CNOT2: variants seen among roughly 807,000 people sequenced by gnomAD.
CNOT2 encodes CC chemokine receptor 4-negative regulator of transcription 2.
In CNOT2, 7 loss-of-function variants were observed where a neutral mutation model predicts 72.1. The observed-to-expected ratio is 0.10, with a 90% CI of 0.06 to 0.18. The LOEUF (loss-of-function observed/expected upper bound fraction) is 0.18, where lower values mean the gene tolerates loss of function less well. CNOT2 is among the 10% of genes least tolerant of loss of function. CNOT2 has a pLI of 1.00. For synonymous variants in CNOT2, 196 were observed against 225.6 expected, an observed-to-expected ratio of 0.87 and a Z score of 1.17; for missense variants, 345 against 660.3, an observed-to-expected ratio of 0.52 and a Z score of 5.23.
At chr12:70,260,893 T>C (rs1315512148) in intron 1 of CNOT2, among the ~76,000 whole-genome samples, 1 of 151,966 alleles carries the variant, frequency 6.6e-6, no homozygotes, top group African/African-American at 2.4e-5. Context: ...CTAGAATCTT[T>C]AGTACAGTAT....
In CNOT2 at chr12:70,297,279, C is replaced by T. The variant is rs531558290; in HGVS notation, c.49-13616C>T. Among the ~76,000 whole-genome samples the T allele has an allele frequency of 7.9e-5, 12 of 152,278 alleles. No individual in the cohort carries two copies. The South Asian group carries it at 2.3e-3, about 29-fold the overall frequency. Reference sequence around the variant, plus strand: ...AGTGCCTGAGAAACACTTTTTCCCCCTTCTCAGGTACTGTATATCTTGCAG... The same window carrying T: ...AGTGCCTGAGAAACACTTTTTCCCCTTTCTCAGGTACTGTATATCTTGCAG... On this transcript the variant is annotated intron_variant, in intron 2 of 15. Transcript: ENST00000229195.
At chr12:70,334,665 A>G (rs573045762) in intron 7 of CNOT2, 2 of 152,260 alleles carry the variant, frequency 1.3e-5, no homozygotes, top group South Asian at 4.1e-4. Context: ...ATTAAAATAG[A>G]CAAAGTAGAG....
chr12:70,343,830 T>A (rs1337766552), intron 13 of CNOT2: 1 of 239,148 alleles, frequency 4.2e-6, no homozygotes, highest in Non-Finnish European at 8.0e-6. Flanking sequence ...CTTTTCCCCA[T>A]TGGGTATTAA....
At chr12:70,277,382 T>C (rs1869019030) in intron 1 of CNOT2, among the ~76,000 whole-genome samples, 1 of 152,076 alleles carries the variant, frequency 6.6e-6, no homozygotes, top group Non-Finnish European at 1.5e-5. Context: ...TATTTTTTGG[T>C]GGGAGGTGGT....
rs1360083723 is a variant in CNOT2, at chr12:70,335,502, G to A, written c.714G>A (p.Arg238=). 1.2e-6 allele frequency: 2 copies of A among 1,606,788 alleles called. No homozygotes were observed. Among genetic ancestry groups the A allele is most frequent in the Non-Finnish European group, 1.7e-6 (2 of 1,173,650 alleles). The part of the protein sequence containing the change: ...SDFPALADRN[R]REGSGNPTPL... ...TCCCAGCATTAGCAGACCGAAACAG[G>A]AGGGAAGGAAGTGGTAACCCAACTC... Residue 238 remains arginine, a synonymous_variant, in exon 8 of 16, where the codon AGG becomes AGA. Transcript: ENST00000229195.
chr12:70,319,483 G>A (rs1877924163), intron 4 of CNOT2, 119 bp downstream of exon 4: 4 of 945,920 alleles, frequency 4.2e-6, no homozygotes, highest in Non-Finnish European at 6.4e-6. Context: ...AAGGAAAAAT[G>A]TTTAATTTTC....
At chr12:70,319,117 G>A (rs777490682) in intron 3 of CNOT2, 181 bp from the exon 4 acceptor site, 8 of 440,028 alleles carry the variant, frequency 1.8e-5, no homozygotes, top group Non-Finnish European at 3.1e-5. Flanking sequence ...TGGTTTTATC[G>A]AATTGTGATA....
chr12:70,281,691 T>A (rs1286050901), intron 2 of CNOT2, among the ~76,000 whole-genome samples: 1 of 152,218 alleles, frequency 6.6e-6, no homozygotes, highest in East Asian at 1.9e-4. Flanking sequence ...TTCCCTTTCT[T>A]TCATAGCCTT....
At chr12:70,259,450 T>C (rs1345183323) in intron 1 of CNOT2, among the ~76,000 whole-genome samples, 1 of 152,156 alleles carries the variant, frequency 6.6e-6, no homozygotes, top group Non-Finnish European at 1.5e-5. Context: ...TATACACCCG[T>C]TTAACCATCA....
At chr12:70,268,433 A>C (rs1287126018) in intron 1 of CNOT2, among the ~76,000 whole-genome samples, 3 of 152,118 alleles carry the variant, frequency 2.0e-5, no homozygotes, top group Admixed American at 6.6e-5. Flanking sequence ...TCAAAGGATC[A>C]GAAGAAAGTA....
chr12:70,335,096 A>G (rs1215877308), intron 7 of CNOT2: 2 of 170,230 alleles, frequency 1.2e-5, no homozygotes, highest in African/African-American at 2.4e-5. Context: ...TGAAAAGACA[A>G]GTTATATCGT....
In CNOT2 at chr12:70,314,076, G is replaced by A. The variant is rs114984195; in HGVS notation, c.171+3059G>A. On this transcript the variant is annotated intron_variant, in intron 3 of 15. Transcript: ENST00000229195. ...TTAATATCAATATAGATGGTTTTTC[G>A]GAAGGATATTTCTCCCTTTAATCTT... Among the ~76,000 whole-genome samples the A allele has an allele frequency of 6.4e-3, 980 of 152,108 alleles. 11 individuals carry two copies. Among genetic ancestry groups the A allele is most frequent in the African/African-American group, 0.022 (902 of 41,534 alleles).
Position 70,354,901 on chromosome 12 carries a change from C to G in CNOT2, c.*986C>G, listed in dbSNP as rs1241030650. ...TTCACTCTGGCTGTTTGAACAGCAG[C>G]GTTTCATAGGAAGAGAAAAAAAGAT... On this transcript the variant is annotated 3_prime_UTR_variant, in exon 16 of 16. Transcript: ENST00000229195. 3.3e-5 allele frequency: 5 copies of G among 152,536 alleles called. No individual in the cohort carries two copies. 9.4% of individuals were successfully genotyped at this position (152,536 alleles called of 1,614,324 possible). A position where few individuals can be genotyped will look rare whatever the true frequency, so the allele number is the denominator to read the frequency against.
intron 2 of CNOT2, among the ~76,000 whole-genome samples, chr12:70,307,108 G>A (rs1475735292): frequency 6.6e-6 from 1 of 152,192 alleles, no homozygotes; most frequent in African/African-American, 2.4e-5. Flanking sequence ...AGTAAGTGGT[G>A]TGTGAATGTA....
intron 14 of CNOT2, 181 bp from the exon 15 acceptor site, chr12:70,345,998 TA>T (rs1882117776): frequency 2.0e-6 from 1 of 503,796 alleles, no homozygotes; most frequent in Non-Finnish European, 3.4e-6. Flanking sequence ...AATTAAGAAA[TA>T]TTTTTTCTAT....
rs1428086324 is a variant in CNOT2 at position 70,354,130 on chromosome 12, C to G, written c.*215C>G. 1 of 906,304 alleles carries G rather than the reference C, an allele frequency of 1.1e-6. No homozygotes were observed. The highest frequency in any genetic ancestry group is 1.7e-5 in the African/African-American group (1 of 58,266). 56.1% of individuals were successfully genotyped at this position (906,304 alleles called of 1,614,324 possible). On this transcript the variant is annotated 3_prime_UTR_variant, in exon 16 of 16. Transcript: ENST00000229195. ...AACTAAATTTGTAATTTGTTTTTCT[C>G]TAGTTTGAGCAGGGTCTGAATTTTT...
intron 1 of CNOT2, among the ~76,000 whole-genome samples, chr12:70,245,481 T>G (rs1293913067): frequency 6.6e-6 from 1 of 152,200 alleles, no homozygotes; most frequent in Non-Finnish European, 1.5e-5. Flanking sequence ...TGTAAACATT[T>G]GTTGGCAGGA....
chr12:70,351,848 G>T (rs886098067), intron 15 of CNOT2, among the ~76,000 whole-genome samples: 7 of 152,132 alleles, frequency 4.6e-5, no homozygotes, highest in Non-Finnish European at 1.0e-4. Context: ...TGGGAGAGGG[G>T]GAGTAGTGCT....
intron 3 of CNOT2, among the ~76,000 whole-genome samples, chr12:70,313,153 A>G (rs888873913): frequency 2.6e-5 from 4 of 151,972 alleles, no homozygotes; most frequent in African/African-American, 9.7e-5. Flanking sequence ...ACACACACAC[A>G]GTGTGATGGG....
Sources: gnomAD v4.1 joint callset for allele counts (sites outside exome capture counted in the v4.1 genomes callset) on GRCh38, gnomAD v4.1.1 for gene constraint, MANE v1.5 for transcripts, NCBI Gene and HGNC (gene_info 2026-07-23, HGNC 2026-07-21) for gene names.